GALC: variants seen among roughly 807,000 people sequenced by gnomAD.
GALC encodes the protein galactocerebrosidase.
GALC carries 77 observed loss-of-function variants against 91.8 expected under a neutral mutation model. That is an observed-to-expected ratio of 0.84 (90% CI 0.70 to 1.01). The LOEUF (loss-of-function observed/expected upper bound fraction) is 1.01, where lower values mean the gene tolerates loss of function less well. GALC is among the 50% of genes least tolerant of loss of function. The pLI is 0.00. For synonymous variants in GALC, 357 were observed against 306.7 expected, an observed-to-expected ratio of 1.16 and a Z score of -1.71; for missense variants, 882 against 855.9, an observed-to-expected ratio of 1.03 and a Z score of -0.38.
intron 16 of GALC, among the ~76,000 whole-genome samples, chr14:87,935,514 A>G (rs1884533492): frequency 6.6e-6 from 1 of 152,110 alleles, no homozygotes; most frequent in Non-Finnish European, 1.5e-5. Context: ...GGAGGCATCT[A>G]TAAGGTGTGA....
In GALC at chr14:87,957,738, A is replaced by T. The variant is rs922583341; in HGVS notation, c.1161+5646T>A. On this transcript the variant is annotated intron_variant, in intron 10 of 16. Coordinates refer to ENST00000261304, the MANE Select transcript of GALC (RefSeq NM_000153.4). ...CCAATAATGACAAAACTGAGAATCA[A>T]ACCAATAACTCAATCTCTTTTAGAA... 3.3e-5 allele frequency among the ~76,000 whole-genome samples: 5 copies of T among 152,326 alleles called. No individual in the cohort carries two copies. In the East Asian group the frequency reaches 9.6e-4, roughly 29 times the overall value.
intron 8 of GALC, among the ~76,000 whole-genome samples, chr14:87,967,036 G>A (rs1009142127): frequency 6.6e-6 from 1 of 152,166 alleles, no homozygotes; most frequent in African/African-American, 2.4e-5. Context: ...CAGCTGCCAA[G>A]GAGAAGGTAT....
At position 87,934,088 on chromosome 14, in the gene GALC, C is replaced by A; in HGVS notation, c.*644G>T. 3 of 1,520,394 alleles carry A rather than the reference C, an allele frequency of 2.0e-6. No individual in the cohort carries two copies. The highest frequency in any genetic ancestry group is 2.6e-6 in the Non-Finnish European group (3 of 1,135,730). The allele number at this position is 1,520,394 out of a possible 1,614,324, so 94.2% of individuals were successfully genotyped here. On this transcript the variant is annotated 3_prime_UTR_variant, in exon 17 of 17. Coordinates refer to ENST00000261304, the MANE Select transcript of GALC (RefSeq NM_000153.4). ...AAATAATGCAAATAACCCAATTAAT[C>A]TGCTAATATCTATTACTGCAGAAAT... is the stretch of plus-strand genomic sequence containing the variant.
In GALC at chr14:87,993,126, T is replaced by A; in HGVS notation, c.39A>T (p.Arg13=). ...CCGCGGCCGCAGTCATAGCTTTCGCTCGGCGTTGCCAGGAAGCCGAGAGTA... is the reference window on the plus strand; with the variant it reads ...CCGCGGCCGCAGTCATAGCTTTCGCACGGCGTTGCCAGGAAGCCGAGAGTA... The part of the protein sequence containing the change: ...EWLLSASWQR[R]AKAMTAAAGS... The change falls in exon 1 of 17, where the codon CGA becomes CGT. Residue 13 remains arginine, a synonymous_variant. Coordinates refer to ENST00000261304, the MANE Select transcript of GALC (RefSeq NM_000153.4). The A allele has an allele frequency of 1.3e-6, 2 of 1,585,958 alleles. No individual in the cohort carries two copies. Among genetic ancestry groups the A allele is most frequent in the South Asian group, 1.1e-5 (1 of 87,498 alleles).
chr14:87,972,567 C>A (rs1254775450), intron 7 of GALC, among the ~76,000 whole-genome samples: 1 of 151,364 alleles, frequency 6.6e-6, no homozygotes, highest in Non-Finnish European at 1.5e-5. Flanking sequence ...TGCTGTACTT[C>A]AATTAAAAAT....
chr14:87,934,258 A>C lies in GALC; in HGVS notation c.*474T>G. 1 of 1,335,672 alleles carries C rather than the reference A, an allele frequency of 7.5e-7. No homozygotes were observed. The highest frequency in any genetic ancestry group is 9.6e-7 in the Non-Finnish European group (1 of 1,041,664). 82.7% of individuals were successfully genotyped at this position (1,335,672 alleles called of 1,614,324 possible). A position where few individuals can be genotyped will look rare whatever the true frequency, so the allele number is the denominator to read the frequency against. On this transcript the variant is annotated 3_prime_UTR_variant, in exon 17 of 17. Transcript: ENST00000261304. ...ATAACAGGTTGAAGTGGTTTTCAAAAAGCTACTTCTAGTGTTCTTCAGCTT... is the reference window on the plus strand; with the variant it reads ...ATAACAGGTTGAAGTGGTTTTCAAACAGCTACTTCTAGTGTTCTTCAGCTT...
intron 13 of GALC, among the ~76,000 whole-genome samples, chr14:87,946,838 T>C (rs450976): frequency 0.49 from 74,714 of 151,726 alleles, 19,091 homozygotes; most frequent in African/African-American, 0.6. Flanking sequence ...TGTATTATAG[T>C]TGAGAGGACT....
In GALC at chr14:87,933,989, C is replaced by G; in HGVS notation, c.*743G>C. 1 of 1,534,500 alleles carries G rather than the reference C, an allele frequency of 6.5e-7. No homozygotes were observed. Among genetic ancestry groups the G allele is most frequent in the African/African-American group, 1.4e-5 (1 of 73,084 alleles). ...TTGGCTATATCAGGTTTTCTTCCTTCTTCCAGCCACCTGGAAAAACGTTCA... is the reference window on the plus strand; with the variant it reads ...TTGGCTATATCAGGTTTTCTTCCTTGTTCCAGCCACCTGGAAAAACGTTCA... On this transcript the variant is annotated 3_prime_UTR_variant, in exon 17 of 17. Coordinates refer to ENST00000261304, the MANE Select transcript of GALC (RefSeq NM_000153.4).
At chr14:87,992,441 C>A (rs752957580) in intron 1 of GALC, 17 of 1,535,258 alleles carry the variant, frequency 1.1e-5, no homozygotes, top group Non-Finnish European at 1.2e-5. Context: ...GCGCTACCCT[C>A]TCTGGAGGAG....
intron 7 of GALC, among the ~76,000 whole-genome samples, chr14:87,969,961 T>A (rs1256164223): frequency 6.6e-6 from 1 of 152,070 alleles, no homozygotes; most frequent in Non-Finnish European, 1.5e-5. Context: ...AGGCATCTAT[T>A]CAATATTGCA....
At chr14:87,964,756 A>G (rs2139994684) in intron 9 of GALC, among the ~76,000 whole-genome samples, 1 of 152,190 alleles carries the variant, frequency 6.6e-6, no homozygotes, top group African/African-American at 2.4e-5. Flanking sequence ...GTTGTGGGAA[A>G]CCCAATTTGC....
At position 87,992,936 on chromosome 14, in the gene GALC, C is replaced by G. The variant is rs143228205; in HGVS notation, c.195+34G>C. 1 of 1,496,158 alleles carries G rather than the reference C, an allele frequency of 6.7e-7. No homozygotes were observed. Among genetic ancestry groups the G allele is most frequent in the Admixed American group, 2.1e-5 (1 of 47,468 alleles). 92.7% of individuals were successfully genotyped at this position (1,496,158 alleles called of 1,614,324 possible). On this transcript the variant is annotated intron_variant, in intron 1 of 16. Transcript: ENST00000261304. ...CTGGCCCCACGGGGCGGGCTCTTGC[C>G]GCCCCCCGCGTATCCCCGCAGCTTG...
chr14:87,941,541 T>G lies in GALC; in HGVS notation c.1688A>C (p.Lys563Thr), dbSNP rs1285169653. 1 of 1,583,188 alleles carries G rather than the reference T, an allele frequency of 6.3e-7. No homozygotes were observed. Among genetic ancestry groups the G allele is most frequent in the Non-Finnish European group, 8.7e-7 (1 of 1,152,428 alleles). Residue 563 changes from lysine to threonine, a missense_variant, in exon 15 of 17, where the codon AAG (lysine) becomes ACG (threonine). Physicochemically the swap from Lys to Thr is moderately conservative, Grantham distance 78. Transcript: ENST00000261304. Reference sequence around the variant, plus strand: ...AGGGGTCTCTATGTATACATCACACTTTATAGTCAGATTGGTCCTGCAAAA... The same window carrying G: ...AGGGGTCTCTATGTATACATCACACGTTATAGTCAGATTGGTCCTGCAAAA... ...GDYNWTNLTI[K>T]CDVYIETPDT...
At chr14:87,936,918 T>TTATATATATATATATATATA (rs1566965103) in intron 16 of GALC, among the ~76,000 whole-genome samples, 1 of 124,774 alleles carries the variant, frequency 8.0e-6, no homozygotes, top group African/African-American at 3.3e-5. Context: ...ATATATTTAT[T>TTATATATATATATATATATA]TATTTTCTCA....
intron 4 of GALC, 131 bp downstream of exon 4, chr14:87,986,358 C>A: frequency 1.4e-6 from 1 of 702,024 alleles, no homozygotes; most frequent in Non-Finnish European, 2.6e-6. Flanking sequence ...TGCTTTGCTG[C>A]TGGTAGCATA....
intron 12 of GALC, among the ~76,000 whole-genome samples, chr14:87,949,293 G>C (rs529057956): frequency 5.1e-4 from 77 of 152,148 alleles, no homozygotes; most frequent in Middle Eastern, 6.8e-3. Flanking sequence ...TCTCTAGGAA[G>C]AAGACCAGTC....
intron 12 of GALC, among the ~76,000 whole-genome samples, chr14:87,949,620 T>A (rs968726406): frequency 6.6e-6 from 1 of 151,580 alleles, no homozygotes; most frequent in Non-Finnish European, 1.5e-5. Flanking sequence ...ATACAGAGGG[T>A]GAGTGGGAAA....
rs139166345 is a variant in GALC at position 87,954,341 on chromosome 14, G to C, written c.1162-3593C>G. 4.4e-6 allele frequency: 7 copies of C among 1,601,372 alleles called. No individual in the cohort carries two copies. In the African/African-American group the frequency reaches 9.4e-5, roughly 21 times the overall value. On this transcript the variant is annotated intron_variant, in intron 10 of 16. Coordinates refer to ENST00000261304, the MANE Select transcript of GALC (RefSeq NM_000153.4). ...AGGCAGTATACAGTTATAGAGGACAGAAGCAGAAAAAGTTATGTTAACAGT... is the reference window on the plus strand; with the variant it reads ...AGGCAGTATACAGTTATAGAGGACACAAGCAGAAAAAGTTATGTTAACAGT...
chr14:87,990,397 G>T (rs1021046298), intron 1 of GALC, among the ~76,000 whole-genome samples: 4 of 152,098 alleles, frequency 2.6e-5, no homozygotes, highest in African/African-American at 9.7e-5. Context: ...TCATTCAACT[G>T]CTGTAAGACT....
Sources: allele counts gnomAD v4.1 joint callset (sites outside exome capture counted in the v4.1 genomes callset), GRCh38; gene constraint gnomAD v4.1.1; transcripts MANE v1.5; gene names NCBI Gene and HGNC (gene_info 2026-07-23, HGNC 2026-07-21).